CNTN5: variants seen among roughly 807,000 people sequenced by gnomAD.
The protein encoded by CNTN5 is contactin 5.
CNTN5 carries 77 observed loss-of-function variants against 129.1 expected under a neutral mutation model. The observed-to-expected ratio is 0.60, with a 90% confidence interval of 0.50 to 0.72. CNTN5 has a LOEUF of 0.72. Among genes scored for constraint, CNTN5 ranks in the 30% least tolerant of loss-of-function variants. CNTN5 has a pLI of 0.00. For missense variants in CNTN5, 1,478 were observed against 1,328.8 expected, an observed-to-expected ratio of 1.11 and a Z score of -1.75; for synonymous variants, 509 against 465.6, an observed-to-expected ratio of 1.09 and a Z score of -1.20.
intron 2 of CNTN5, among the ~76,000 whole-genome samples, chr11:99,446,347 T>G (rs971576950): frequency 6.6e-6 from 1 of 152,154 alleles, no homozygotes; most frequent in African/African-American, 2.4e-5. Flanking sequence ...AAATTATAAT[T>G]TAGATTCTGT....
At chr11:99,137,421 C>T (rs939854716) in intron 1 of CNTN5, among the ~76,000 whole-genome samples, 3 of 152,106 alleles carry the variant, frequency 2.0e-5, no homozygotes, top group African/African-American at 7.2e-5. Context: ...CTTGATTGCT[C>T]TCTCTTTCAT....
In CNTN5 at chr11:99,431,731, G is replaced by C. The variant is rs139007529; in HGVS notation, c.-71+106247G>C. Among the ~76,000 whole-genome samples, 576 of 152,276 alleles carry C rather than the reference G, an allele frequency of 3.8e-3. 5 individuals are homozygous for C. Among genetic ancestry groups the C allele is most frequent in the African/African-American group, 0.013 (549 of 41,560 alleles). On this transcript the variant is annotated intron_variant, in intron 2 of 24. Coordinates refer to ENST00000524871, the MANE Select transcript of CNTN5 (RefSeq NM_014361.4). Reference sequence around the variant, plus strand: ...AATCAATTTGAAGTTTATTTTGCCAGCGTTAATGACATGCCTAAAAAAAGG... The same window carrying C: ...AATCAATTTGAAGTTTATTTTGCCACCGTTAATGACATGCCTAAAAAAAGG...
chr11:99,128,416 C>T (rs115042092), intron 1 of CNTN5, among the ~76,000 whole-genome samples: 2,053 of 152,286 alleles, frequency 0.013, 50 homozygotes, highest in African/African-American at 0.046. Context: ...AGATTCATCC[C>T]TTCTCACTGG....
At chr11:99,845,302 G>GAAAAA in intron 6 of CNTN5, 40 bp downstream of exon 6, 3 of 1,183,642 alleles carry the variant, frequency 2.5e-6, no homozygotes, top group Non-Finnish European at 2.4e-6. Context: ...TATGTATATA[G>GAAAAA]TGTGTATATA....
At chr11:99,066,270 A>C (rs1463800441) in intron 1 of CNTN5, among the ~76,000 whole-genome samples, 1 of 151,606 alleles carries the variant, frequency 6.6e-6, no homozygotes, top group Non-Finnish European at 1.5e-5. Flanking sequence ...CGCCCAGCTA[A>C]TTTTTTGTAT....
At chr11:99,494,268 C>T (rs1349235628) in intron 2 of CNTN5, among the ~76,000 whole-genome samples, 1 of 152,134 alleles carries the variant, frequency 6.6e-6, no homozygotes, top group Non-Finnish European at 1.5e-5. Context: ...GTCTACTCAG[C>T]ATTTAAGGTG....
chr11:99,630,629 C>CT (rs1951311503), intron 3 of CNTN5, among the ~76,000 whole-genome samples: 1 of 152,000 alleles, frequency 6.6e-6, no homozygotes, highest in African/African-American at 2.4e-5. Context: ...TTCAGGTCTG[C>CT]TTTTAATATT....
At chr11:99,963,226 C>T (rs1355529594) in intron 8 of CNTN5, among the ~76,000 whole-genome samples, 1 of 152,122 alleles carries the variant, frequency 6.6e-6, no homozygotes, top group African/African-American at 2.4e-5. Flanking sequence ...GACATGAAGT[C>T]CTTGCCCATG....
At chr11:99,726,317 A>G (rs528973137) in intron 3 of CNTN5, among the ~76,000 whole-genome samples, 1 of 152,212 alleles carries the variant, frequency 6.6e-6, no homozygotes, top group East Asian at 1.9e-4. Flanking sequence ...AATTAATAGC[A>G]AAGTATTTTA....
intron 15 of CNTN5, among the ~76,000 whole-genome samples, chr11:100,208,923 C>A (rs1192108570): frequency 6.6e-6 from 1 of 152,120 alleles, no homozygotes; most frequent in Non-Finnish European, 1.5e-5. Context: ...GTGAAGGGGG[C>A]AGCTAGGATG....
At chr11:99,403,308 T>A (rs1006479665) in intron 2 of CNTN5, among the ~76,000 whole-genome samples, 4 of 152,128 alleles carry the variant, frequency 2.6e-5, no homozygotes, top group African/African-American at 9.7e-5. Context: ...CTTGTTTAAC[T>A]TTCGATAAGC....
At chr11:99,620,028 A>AAAAAAAAAAAAAAAACCAAAAAGG (rs1950888213) in intron 3 of CNTN5, among the ~76,000 whole-genome samples, 4 of 106,440 alleles carry the variant, frequency 3.8e-5, no homozygotes, top group Admixed American at 3.7e-4. Context: ...TCCGTCTCAA[A>AAAAAAAAAAAAAAAACCAAAAAGG]AAAAAAAAAC....
chr11:99,764,476 C>T (rs887434551), intron 3 of CNTN5, among the ~76,000 whole-genome samples: 18 of 152,160 alleles, frequency 1.2e-4, no homozygotes, highest in South Asian at 6.2e-4. Context: ...AGTACAATGG[C>T]GTGATCTTGG....
intron 9 of CNTN5, among the ~76,000 whole-genome samples, chr11:100,051,550 C>G (rs1942956726): frequency 6.6e-6 from 1 of 151,698 alleles, no homozygotes. Flanking sequence ...ATCTAAACTT[C>G]TACCTTAAAC....
rs1447780283 is a variant in CNTN5 at position 99,912,420 on chromosome 11, G to A, written c.578-3634G>A. Among the ~76,000 whole-genome samples the A allele has an allele frequency of 5.9e-5, 9 of 151,826 alleles. No individual in the cohort carries two copies. In the East Asian group the frequency reaches 1.7e-3, roughly 29 times the overall value. On this transcript the variant is annotated intron_variant, in intron 6 of 24. Coordinates refer to ENST00000524871, the MANE Select transcript of CNTN5 (RefSeq NM_014361.4). ...GAGCTATGAAAAGTTGGCCCAAGTA[G>A]GTATGATTAATTCATTTATATATGT...
intron 2 of CNTN5, among the ~76,000 whole-genome samples, chr11:99,340,505 T>C (rs1204577104): frequency 6.6e-6 from 1 of 152,144 alleles, no homozygotes; most frequent in African/African-American, 2.4e-5. Flanking sequence ...GTGATGTAGA[T>C]TATAAAGACT....
At chr11:99,910,046 T>G (rs1949617620) in intron 6 of CNTN5, among the ~76,000 whole-genome samples, 1 of 152,158 alleles carries the variant, frequency 6.6e-6, no homozygotes, top group African/African-American at 2.4e-5. Flanking sequence ...TTAAAAACAT[T>G]GTAAACCAAG....
intron 20 of CNTN5, among the ~76,000 whole-genome samples, chr11:100,305,394 A>G (rs1213522541): frequency 6.6e-6 from 1 of 151,628 alleles, no homozygotes; most frequent in Non-Finnish European, 1.5e-5. Context: ...GAGGGAGTCC[A>G]CCACTAACCC....
chr11:99,232,603 G>A (rs1218044532), intron 1 of CNTN5, among the ~76,000 whole-genome samples: 2 of 152,216 alleles, frequency 1.3e-5, no homozygotes, highest in South Asian at 2.1e-4. Flanking sequence ...TGCAAACAAA[G>A]ACAATTTGAC....
Sources: gnomAD v4.1 joint callset for allele counts (sites outside exome capture counted in the v4.1 genomes callset) on GRCh38, gnomAD v4.1.1 for gene constraint, MANE v1.5 for transcripts, NCBI Gene and HGNC (gene_info 2026-07-23, HGNC 2026-07-21) for gene names.